Variants in UHRF2 observed in about 807,000 individuals in gnomAD.
UHRF2 encodes E3 ubiquitin-protein ligase UHRF2.
A neutral mutation model predicts 96.8 loss-of-function variants in UHRF2; 23 were observed. The observed-to-expected ratio is 0.24, with a 90% CI of 0.17 to 0.34. UHRF2 has a LOEUF of 0.34. UHRF2 is among the 10% of genes least tolerant of loss of function. The pLI, the probability that UHRF2 is intolerant of heterozygous loss-of-function variation, is 1.00. For synonymous variants in UHRF2, 385 were observed against 332.6 expected, an observed-to-expected ratio of 1.16 and a Z score of -1.72; for missense variants, 685 against 981.5, an observed-to-expected ratio of 0.70 and a Z score of 4.04.
intron 6 of UHRF2, among the ~76,000 whole-genome samples, chr9:6,481,062 T>C (rs1823894518): frequency 6.6e-6 from 1 of 152,196 alleles, no homozygotes; most frequent in Admixed American, 6.5e-5. Context: ...ACCTTGCTTT[T>C]TAGAAAAGAT....
At chr9:6,415,898 G>C (rs1479539711) in intron 1 of UHRF2, among the ~76,000 whole-genome samples, 1 of 152,110 alleles carries the variant, frequency 6.6e-6, no homozygotes, top group African/African-American at 2.4e-5. Flanking sequence ...TTCAAAGTAT[G>C]GTCCCTGGAT....
chr9:6,447,178 C>T (rs557527779), intron 3 of UHRF2, among the ~76,000 whole-genome samples: 31 of 152,280 alleles, frequency 2.0e-4, no homozygotes, highest in Non-Finnish European at 2.9e-4. Flanking sequence ...CATGAGCCAC[C>T]GCGCCCAGCC....
chr9:6,501,446 G>A (rs1816288123), intron 14 of UHRF2, among the ~76,000 whole-genome samples: 1 of 152,102 alleles, frequency 6.6e-6, no homozygotes, highest in Non-Finnish European at 1.5e-5. Context: ...CCCCATGTCT[G>A]TATGTCTTTT....
At chr9:6,432,305 G>A (rs1820601417) in intron 2 of UHRF2, among the ~76,000 whole-genome samples, 1 of 152,140 alleles carries the variant, frequency 6.6e-6, no homozygotes, top group African/African-American at 2.4e-5. Flanking sequence ...TTCTGGTAGT[G>A]ACAGTTGATA....
chr9:6,461,415 C>T lies in UHRF2; in HGVS notation c.863+624C>T, dbSNP rs570385210. ...CCCCCCCGCCCCTTGTTCTGTCACC[C>T]AGGCTGGAGTGCAGCGGCATGATCT... On this transcript the variant is annotated intron_variant, in intron 4 of 15. Coordinates refer to ENST00000276893, the MANE Select transcript of UHRF2 (RefSeq NM_152896.3). Among the ~76,000 whole-genome samples the T allele has an allele frequency of 2.0e-3, 287 of 143,430 alleles. 2 individuals are homozygous for T. Among genetic ancestry groups the T allele is most frequent in the African/African-American group, 7.1e-3 (276 of 38,722 alleles). The allele number at this position is 143,430 out of a possible 152,430, so 94.1% of individuals were successfully genotyped here. A position where few individuals can be genotyped will look rare whatever the true frequency, so the allele number is the denominator to read the frequency against.
chr9:6,424,500 GT>G (rs1436005954), intron 2 of UHRF2, among the ~76,000 whole-genome samples: 1 of 151,890 alleles, frequency 6.6e-6, no homozygotes, highest in Non-Finnish European at 1.5e-5. Flanking sequence ...TTTTATTTGT[GT>G]TACCACCTCC....
chr9:6,457,057 A>G (rs1787748855), intron 3 of UHRF2, among the ~76,000 whole-genome samples: 1 of 152,152 alleles, frequency 6.6e-6, no homozygotes, highest in Non-Finnish European at 1.5e-5. Context: ...AGTCATTGTC[A>G]GTTTGATGGG....
intron 4 of UHRF2, among the ~76,000 whole-genome samples, chr9:6,464,026 A>T (rs958676812): frequency 1.3e-5 from 2 of 152,224 alleles, no homozygotes; most frequent in Non-Finnish European, 2.9e-5. Context: ...TTGAGTAGAT[A>T]GAACCAAGTG....
chr9:6,482,937 A>G (rs189886000), intron 8 of UHRF2, among the ~76,000 whole-genome samples: 24 of 152,256 alleles, frequency 1.6e-4, no homozygotes, highest in Middle Eastern at 3.4e-3. Context: ...TTAATACAAT[A>G]TAACATTTAG....
intron 3 of UHRF2, among the ~76,000 whole-genome samples, chr9:6,443,408 T>G (rs1477188388): frequency 1.3e-5 from 2 of 152,366 alleles, no homozygotes; most frequent in African/African-American, 4.8e-5. Context: ...TTGCTCAGTG[T>G]TAGAGAGCTA....
At chr9:6,486,741 A>AGGAGATTTAAAATG in intron 8 of UHRF2, 80 bp from the exon 9 acceptor site, 1 of 1,398,292 alleles carries the variant, frequency 7.2e-7, no homozygotes, top group Non-Finnish European at 9.9e-7. Flanking sequence ...TTTAGGTACC[A>AGGAGATTTAAAATG]AGAATATATA....
intron 2 of UHRF2, among the ~76,000 whole-genome samples, chr9:6,425,584 A>G (rs1239718605): frequency 6.6e-6 from 1 of 150,836 alleles, no homozygotes; most frequent in African/African-American, 2.4e-5. Flanking sequence ...GTGAAACCCC[A>G]TCTCTGCCGA....
intron 2 of UHRF2, among the ~76,000 whole-genome samples, chr9:6,424,311 A>C (rs1057464726): frequency 1.3e-5 from 2 of 152,224 alleles, no homozygotes; most frequent in African/African-American, 4.8e-5. Flanking sequence ...TTGCAATAAC[A>C]AAAGGTAGAA....
chr9:6,497,134 A>G, intron 10 of UHRF2, 64 bp from the exon 11 acceptor site: 1 of 1,458,442 alleles, frequency 6.9e-7, no homozygotes, highest in Non-Finnish European at 9.4e-7. Context: ...TAATTGAGCT[A>G]ATGACTCGAT....
intron 6 of UHRF2, 41 bp from the exon 7 acceptor site, chr9:6,481,602 G>T: frequency 6.3e-7 from 1 of 1,597,892 alleles, no homozygotes; most frequent in South Asian, 1.1e-5. Flanking sequence ...GCTTTAATAT[G>T]GTATTGTGAA....
chr9:6,466,544 A>C (rs868601594), intron 4 of UHRF2, among the ~76,000 whole-genome samples: 189 of 67,222 alleles, frequency 2.8e-3, no homozygotes, highest in African/African-American at 0.012. Context: ...TATCTCAAAA[A>C]AAAAAGGAAA....
At chr9:6,423,960 A>G (rs973101656) in intron 2 of UHRF2, among the ~76,000 whole-genome samples, 4 of 151,488 alleles carry the variant, frequency 2.6e-5, no homozygotes, top group Non-Finnish European at 5.9e-5. Context: ...AAATAAATAA[A>G]TAAATAAAGG....
At chr9:6,468,628 C>G (rs1823025474) in intron 4 of UHRF2, 1 of 455,990 alleles carries the variant, frequency 2.2e-6, no homozygotes, top group Non-Finnish European at 4.4e-6. Context: ...TTTGGGATGC[C>G]TCAAGCATAT....
chr9:6,416,700 C>T (rs1327420810), intron 1 of UHRF2, among the ~76,000 whole-genome samples: 2 of 152,012 alleles, frequency 1.3e-5, no homozygotes, highest in African/African-American at 2.4e-5. Context: ...CCACTGCGCC[C>T]GGCTGATTTT....
Sources: gnomAD v4.1 joint callset for allele counts (sites outside exome capture counted in the v4.1 genomes callset) on GRCh38, gnomAD v4.1.1 for gene constraint, MANE v1.5 for transcripts, NCBI Gene and HGNC (gene_info 2026-07-23, HGNC 2026-07-21) for gene names.